The following PTPRG variants were observed in gnomAD, a reference collection of about 807,000 sequenced individuals.
PTPRG encodes receptor-type tyrosine-protein phosphatase gamma.
In PTPRG, 102 loss-of-function variants were observed where a neutral mutation model predicts 165.3. The observed-to-expected ratio is 0.62, with a 90% confidence interval of 0.53 to 0.73. The LOEUF (loss-of-function observed/expected upper bound fraction) is 0.73. Among genes scored for constraint, PTPRG ranks in the 30% least tolerant of loss-of-function variants. The probability of loss-of-function intolerance (pLI) is 0.00; values close to 1 mark genes in which losing one functional copy is unlikely to be tolerated. For missense variants in PTPRG, 1,866 were observed against 1,861.4 expected (o/e 1.00, Z -0.05); for synonymous variants, 675 against 669.5 (o/e 1.01, Z -0.13).
intron 2 of PTPRG, among the ~76,000 whole-genome samples, chr3:61,975,951 A>T (rs2040492560): frequency 6.6e-6 from 1 of 152,186 alleles, no homozygotes; most frequent in Non-Finnish European, 1.5e-5. Context: ...TTTATTTGCC[A>T]AATGCCCCCA....
chr3:61,980,592 G>C (rs1226590377), intron 2 of PTPRG, among the ~76,000 whole-genome samples: 5 of 152,136 alleles, frequency 3.3e-5, no homozygotes, highest in Non-Finnish European at 7.4e-5. Context: ...TCGTCTTAGT[G>C]AAAACATCGA....
chr3:61,647,382 C>T (rs939679794), intron 1 of PTPRG, among the ~76,000 whole-genome samples: 1 of 152,180 alleles, frequency 6.6e-6, no homozygotes, highest in Non-Finnish European at 1.5e-5. Flanking sequence ...CATAACAACT[C>T]CCCAAAGGAG....
intron 5 of PTPRG, among the ~76,000 whole-genome samples, chr3:62,079,386 A>G (rs1395322452): frequency 6.6e-6 from 1 of 152,214 alleles, no homozygotes; most frequent in Non-Finnish European, 1.5e-5. Flanking sequence ...GTTCTATCTT[A>G]CTGTTGAGCC....
chr3:61,945,992 G>GATTGATTC (rs1314594017), intron 2 of PTPRG, among the ~76,000 whole-genome samples: 4,022 of 152,148 alleles, frequency 0.026, 154 homozygotes, highest in African/African-American at 0.079. Flanking sequence ...TTGATTGATT[G>GATTGATTC]ATTCATTCAT....
At chr3:61,916,328 T>C (rs1167045472) in intron 2 of PTPRG, among the ~76,000 whole-genome samples, 1 of 152,214 alleles carries the variant, frequency 6.6e-6, no homozygotes, top group Non-Finnish European at 1.5e-5. Context: ...TAGGGTGGTG[T>C]TGAAAATTAT....
At chr3:61,945,313 A>G (rs1190716245) in intron 2 of PTPRG, among the ~76,000 whole-genome samples, 1 of 152,064 alleles carries the variant, frequency 6.6e-6, no homozygotes, top group Non-Finnish European at 1.5e-5. Context: ...TAATCTCAGC[A>G]CTTTGGGAGG....
chr3:62,001,621 A>G (rs1559739416), intron 3 of PTPRG, among the ~76,000 whole-genome samples: 1 of 151,506 alleles, frequency 6.6e-6, no homozygotes, highest in Non-Finnish European at 1.5e-5. Flanking sequence ...TATATTTTAT[A>G]TAAGATTTTA....
chr3:62,097,379 A>T (rs1157497354), intron 5 of PTPRG, among the ~76,000 whole-genome samples: 1 of 152,236 alleles, frequency 6.6e-6, no homozygotes, highest in African/African-American at 2.4e-5. Context: ...AATAAGTCCC[A>T]CAACAGCACC....
In PTPRG at chr3:62,229,371, G is replaced by A. The variant is rs1000682757; in HGVS notation, c.2289-1854G>A. ...TACTCAGGGGCCTTTCAGAATTCAC[G>A]AGAGCTGTCAGTTGTTATAGTAACC... is the stretch of plus-strand genomic sequence containing the variant. On this transcript the variant is annotated intron_variant, in intron 13 of 29. Transcript: ENST00000474889. The surrounding 1 kb of genome is among the most constrained non-coding windows in gnomAD (Gnocchi z 4.6). Among the ~76,000 whole-genome samples, 13 of 152,230 alleles carry A rather than the reference G, an allele frequency of 8.5e-5. No homozygotes were observed. Among genetic ancestry groups the A allele is most frequent in the East Asian group, 5.8e-4 (3 of 5,178 alleles).
intron 2 of PTPRG, among the ~76,000 whole-genome samples, chr3:61,778,106 A>C (rs571189369): frequency 6.6e-6 from 1 of 152,322 alleles, no homozygotes; most frequent in East Asian, 1.9e-4. Context: ...GAGGGTCTCA[A>C]CTGCAAGTTA....
chr3:61,636,323 T>C (rs1206037828), intron 1 of PTPRG, among the ~76,000 whole-genome samples: 1 of 152,242 alleles, frequency 6.6e-6, no homozygotes, highest in Non-Finnish European at 1.5e-5. Flanking sequence ...CATTAGCAGT[T>C]ACCTATTTTC....
chr3:61,626,433 G>A (rs1372188244), intron 1 of PTPRG, among the ~76,000 whole-genome samples: 1 of 152,250 alleles, frequency 6.6e-6, no homozygotes, highest in East Asian at 1.9e-4. Flanking sequence ...AAACATAAGG[G>A]GTTGCATTTT....
In PTPRG at chr3:62,294,779, C is replaced by T. The variant is rs1703008583; in HGVS notation, c.*1472C>T. ...AGTGAAATCATCACCAGAACTGGGC[C>T]TGTTAGGAAGAATAGGGTTTTATTT... is the stretch of plus-strand genomic sequence containing the variant. On this transcript the variant is annotated 3_prime_UTR_variant, in exon 30 of 30. Coordinates refer to ENST00000474889, the MANE Select transcript of PTPRG (RefSeq NM_002841.4). 1 of 152,080 alleles carries T rather than the reference C, an allele frequency of 6.6e-6. No individual in the cohort carries two copies. Among genetic ancestry groups the T allele is most frequent in the African/African-American group, 2.4e-5 (1 of 41,410 alleles). The allele number at this position is 152,080 out of a possible 1,614,324, so 9.4% of individuals were successfully genotyped here.
At chr3:61,793,720 T>C (rs1037800684) in intron 2 of PTPRG, among the ~76,000 whole-genome samples, 1 of 152,220 alleles carries the variant, frequency 6.6e-6, no homozygotes, top group East Asian at 1.9e-4. Flanking sequence ...TCCAGTCCAG[T>C]ACAGCTTTCT....
intron 2 of PTPRG, among the ~76,000 whole-genome samples, chr3:61,988,420 C>T (rs139105703): frequency 8.4e-4 from 128 of 152,230 alleles, no homozygotes; most frequent in African/African-American, 3.0e-3. Context: ...GTGGCAGCCA[C>T]TCATGTGGAC....
At chr3:61,892,135 A>G (rs559867819) in intron 2 of PTPRG, among the ~76,000 whole-genome samples, 1 of 152,336 alleles carries the variant, frequency 6.6e-6, no homozygotes, top group African/African-American at 2.4e-5. Context: ...ATGGGAAAGT[A>G]TATCTCAGAG....
At chr3:61,629,082 G>A (rs1178251681) in intron 1 of PTPRG, among the ~76,000 whole-genome samples, 2 of 152,138 alleles carry the variant, frequency 1.3e-5, no homozygotes, top group East Asian at 1.9e-4. Flanking sequence ...AGGGACACTT[G>A]GGAAATAGAG....
intron 7 of PTPRG, among the ~76,000 whole-genome samples, chr3:62,165,217 G>T (rs78449910): frequency 6.6e-6 from 1 of 152,220 alleles, no homozygotes; most frequent in South Asian, 2.1e-4. Context: ...TTCCTCACAG[G>T]ATTTTTTCTC....
intron 2 of PTPRG, among the ~76,000 whole-genome samples, chr3:61,862,137 C>T (rs2037287349): frequency 1.3e-5 from 2 of 152,092 alleles, no homozygotes; most frequent in Non-Finnish European, 2.9e-5. Context: ...CTGACAGGAG[C>T]GCGAACCCTG....
Sources: gnomAD v4.1 joint callset for allele counts (sites outside exome capture counted in the v4.1 genomes callset) on GRCh38, gnomAD v4.1.1 for gene constraint, Gnocchi (gnomAD v3.1) non-coding constraint, MANE v1.5 for transcripts, NCBI Gene and HGNC (gene_info 2026-07-23, HGNC 2026-07-21) for gene names.